The following NLGN1 variants were observed in gnomAD, a reference collection of about 807,000 sequenced individuals.
The protein encoded by NLGN1 is neuroligin-1.
A neutral mutation model predicts 65.5 loss-of-function variants in NLGN1; 12 were observed. The ratio of observed to expected loss-of-function variants is 0.18; its 90% CI spans 0.12 to 0.30. The LOEUF (loss-of-function observed/expected upper bound fraction) is 0.30. Among genes scored for constraint, NLGN1 ranks in the 10% least tolerant of loss-of-function variants. The pLI, the probability that NLGN1 is intolerant of heterozygous loss-of-function variation, is 1.00. For synonymous variants in NLGN1, 350 were observed against 359.5 expected (o/e 0.97, Z 0.30); for missense variants, 750 against 1,007.1 (o/e 0.74, Z 3.46).
At chr3:173,877,754 A>G (rs1436640884) in intron 4 of NLGN1, among the ~76,000 whole-genome samples, 8 of 152,238 alleles carry the variant, frequency 5.3e-5, no homozygotes, top group Non-Finnish European at 8.8e-5. Flanking sequence ...CAATTTTAAG[A>G]TAACAGCTAA....
rs182651883 is a variant in NLGN1 at position 173,964,483 on chromosome 3, A to G, written c.646+156651A>G. Among the ~76,000 whole-genome samples the G allele has an allele frequency of 3.3e-3, 498 of 152,300 alleles. 1 individual carries two copies. Among genetic ancestry groups the G allele is most frequent in the African/African-American group, 0.011 (459 of 41,562 alleles). ...GGATTTTGTTCTGATTTGTAATTCA[A>G]TGTTCTTTCTGGTACACCAGGAAAC... On this transcript the variant is annotated intron_variant, in intron 4 of 6. Coordinates refer to ENST00000457714, the Ensembl canonical transcript of NLGN1.
chr3:173,835,136 A>G (rs980588849), intron 4 of NLGN1, among the ~76,000 whole-genome samples: 1 of 152,168 alleles, frequency 6.6e-6, no homozygotes, highest in East Asian at 1.9e-4. Context: ...TACAGACACA[A>G]TCTCACTTGA....
chr3:173,775,575 A>G (rs1780193060), intron 3 of NLGN1, among the ~76,000 whole-genome samples: 1 of 152,114 alleles, frequency 6.6e-6, no homozygotes, highest in Admixed American at 6.6e-5. Flanking sequence ...CTGATTCCCA[A>G]TAAACATTAG....
chr3:174,009,877 A>G (rs1725182715), intron 4 of NLGN1, among the ~76,000 whole-genome samples: 1 of 152,118 alleles, frequency 6.6e-6, no homozygotes, highest in South Asian at 2.1e-4. Flanking sequence ...GGCAGAGAGC[A>G]TTTATAGCTT....
chr3:174,192,350 G>A lies in NLGN1; in HGVS notation c.647-82965G>A, dbSNP rs374911678. ...ACCAGGATTTTTTGCGTGCTTGATG[G>A]CTAATAATTTCTTTGTGTGCAAATT... is the stretch of plus-strand genomic sequence containing the variant. On this transcript the variant is annotated intron_variant, in intron 4 of 6. Transcript: ENST00000457714. 4.6e-5 allele frequency among the ~76,000 whole-genome samples: 7 copies of A among 152,032 alleles called. No homozygotes were observed. The East Asian group carries it at 9.7e-4, about 21-fold the overall frequency.
At chr3:173,684,790 A>G (rs1247412906) in intron 3 of NLGN1, among the ~76,000 whole-genome samples, 2 of 152,214 alleles carry the variant, frequency 1.3e-5, no homozygotes, top group Admixed American at 6.5e-5. Context: ...AATTAACTGT[A>G]TATTCATCCC....
intron 4 of NLGN1, among the ~76,000 whole-genome samples, chr3:173,894,969 A>C (rs1349077093): frequency 6.6e-6 from 1 of 152,162 alleles, no homozygotes; most frequent in Non-Finnish European, 1.5e-5. Flanking sequence ...TAAATAGGTA[A>C]AAAGTCTGAC....
chr3:174,051,533 T>C (rs1211854479), intron 4 of NLGN1, among the ~76,000 whole-genome samples: 1 of 152,066 alleles, frequency 6.6e-6, no homozygotes, highest in African/African-American at 2.4e-5. Context: ...TCTTTGCTCA[T>C]AGCCTTATGT....
chr3:174,201,437 TTGGCCTCTCCTAA>T (rs1188033774), intron 4 of NLGN1, among the ~76,000 whole-genome samples: 5 of 134,430 alleles, frequency 3.7e-5, no homozygotes, highest in Non-Finnish European at 6.5e-5. Flanking sequence ...CTGTTTGCTC[TTGGCCTCTCCTAA>T]TGTCCTATTT....
At chr3:173,843,434 A>C (rs1725172551) in intron 4 of NLGN1, among the ~76,000 whole-genome samples, 1 of 152,106 alleles carries the variant, frequency 6.6e-6, no homozygotes, top group East Asian at 1.9e-4. Context: ...CAGGCTGCAA[A>C]TTTTCCAAAC....
intron 3 of NLGN1, among the ~76,000 whole-genome samples, chr3:173,791,988 C>T (rs1712882954): frequency 6.6e-6 from 1 of 152,074 alleles, no homozygotes; most frequent in South Asian, 2.1e-4. Flanking sequence ...ATATGCTTAA[C>T]ATTTATTGCA....
At position 174,155,923 on chromosome 3, in the gene NLGN1, C is replaced by A. The variant is rs192291835; in HGVS notation, c.647-119392C>A. Among the ~76,000 whole-genome samples, 6 of 151,988 alleles carry A rather than the reference C, an allele frequency of 3.9e-5. No homozygotes were observed. In the East Asian group the frequency reaches 1.2e-3, roughly 29 times the overall value. ...GTTATTCCTTTAATTTGTTTCCTTA[C>A]AAGTGTTTCTGTCTTCATTTATAAT... On this transcript the variant is annotated intron_variant, in intron 4 of 6. Transcript: ENST00000457714.
chr3:173,707,715 G>T (rs1422524474), intron 3 of NLGN1, among the ~76,000 whole-genome samples: 16 of 151,944 alleles, frequency 1.1e-4, no homozygotes, highest in Non-Finnish European at 1.5e-5. Context: ...CTCACAAATG[G>T]GGTTGCACTC....
intron 2 of NLGN1, among the ~76,000 whole-genome samples, chr3:173,592,639 G>T (rs1381383437): frequency 2.6e-5 from 4 of 152,176 alleles, no homozygotes; most frequent in African/African-American, 9.7e-5. Context: ...AATAAAATCT[G>T]AGGGTTGTGT....
At chr3:173,609,328 A>G (rs1332845620) in intron 3 of NLGN1, among the ~76,000 whole-genome samples, 1 of 152,076 alleles carries the variant, frequency 6.6e-6, no homozygotes, top group Non-Finnish European at 1.5e-5. Flanking sequence ...GAAGATTAAA[A>G]TCTTTGTATA....
intron 3 of NLGN1, among the ~76,000 whole-genome samples, chr3:173,773,046 T>C (rs1779809800): frequency 6.6e-6 from 1 of 152,210 alleles, no homozygotes; most frequent in Non-Finnish European, 1.5e-5. Context: ...TTTCCAGACA[T>C]ATTCACTTTT....
chr3:173,497,121 C>T (rs1252908808), intron 2 of NLGN1, among the ~76,000 whole-genome samples: 2 of 151,906 alleles, frequency 1.3e-5, no homozygotes, highest in African/African-American at 2.4e-5. Context: ...CGGTGGCTCA[C>T]GCCTGCAATC....
At chr3:174,268,211 C>A (rs986115525) in intron 4 of NLGN1, among the ~76,000 whole-genome samples, 1 of 152,036 alleles carries the variant, frequency 6.6e-6, no homozygotes, top group African/African-American at 2.4e-5. Context: ...TTCAAAAGGC[C>A]TTTTAGAAGA....
intron 4 of NLGN1, among the ~76,000 whole-genome samples, chr3:174,161,822 T>G (rs1026937489): frequency 1.3e-5 from 2 of 151,884 alleles, no homozygotes; most frequent in Admixed American, 6.6e-5. Flanking sequence ...AAGACAAATG[T>G]AACTTTCTCA....
Sources: gnomAD v4.1 joint callset for allele counts (sites outside exome capture counted in the v4.1 genomes callset) on GRCh38, gnomAD v4.1.1 for gene constraint, MANE v1.5 for transcripts, NCBI Gene and HGNC (gene_info 2026-07-23, HGNC 2026-07-21) for gene names.